GNG13: variants seen among roughly 807,000 people sequenced by gnomAD.
GNG13 encodes the protein G protein subunit gamma 13.
In GNG13, 12 loss-of-function variants were observed where a neutral mutation model predicts 8.2. The observed-to-expected ratio is 1.47, with a 90% CI of 0.94 to 2.38. GNG13 has a LOEUF of 2.38. Among genes scored for constraint, GNG13 ranks in the 30% most tolerant of loss-of-function variants. The pLI is 0.00. For missense variants in GNG13, 100 were observed against 85.2 expected (o/e 1.17, Z -0.68); for synonymous variants, 45 against 33.0 (o/e 1.37, Z -1.25).
At chr16:799,769 G>A (rs2042431273) in intron 1 of GNG13, among the ~76,000 whole-genome samples, 1 of 152,148 alleles carries the variant, frequency 6.6e-6, no homozygotes, top group Non-Finnish European at 1.5e-5. Flanking sequence ...AAAGCCACAG[G>A]TTGACACCCC....
chr16:800,241 G>C (rs1282575694), intron 1 of GNG13, among the ~76,000 whole-genome samples: 1 of 152,078 alleles, frequency 6.6e-6, no homozygotes, highest in Non-Finnish European at 1.5e-5. Context: ...CCCCATCCCC[G>C]GTGCAGGCCT....
At chr16:800,195 T>C (rs1750021201) in intron 1 of GNG13, among the ~76,000 whole-genome samples, 1 of 152,034 alleles carries the variant, frequency 6.6e-6, no homozygotes, top group South Asian at 2.1e-4. Flanking sequence ...GAGGATTCCC[T>C]CCCGGAGACT....
intron 1 of GNG13, among the ~76,000 whole-genome samples, chr16:799,532 G>C (rs2151654108): frequency 6.6e-6 from 1 of 152,318 alleles, no homozygotes; most frequent in East Asian, 1.9e-4. Flanking sequence ...CCCGCTGTGT[G>C]CCCCTTTGCT....
Position 799,024 on chromosome 16 carries a change from G to A in GNG13, c.54C>T (p.Tyr18=), listed in dbSNP as rs755222325. 1 of 1,611,456 alleles carries A rather than the reference G, an allele frequency of 6.2e-7. No individual in the cohort carries two copies. Among genetic ancestry groups the A allele is most frequent in the African/African-American group, 1.3e-5 (1 of 74,996 alleles). Residue 18 remains tyrosine (Y), a synonymous_variant, in exon 2 of 3, where the codon TAC becomes TAT. Transcript: ENST00000248150. The part of the protein sequence containing the change: ...QMKKEVESLK[Y]QLAFQREMAS... ...CCATCTCCCGCTGGAAGGCCAGCTG[G>A]TACTTGAGGCTCTCCACCTCTTTCT...
chr16:799,201 G>A (rs577863250), intron 1 of GNG13, 90 bp from the exon 2 acceptor site: 38 of 668,758 alleles, frequency 5.7e-5, no homozygotes, highest in African/African-American at 4.1e-4. Flanking sequence ...GCTGAACCCC[G>A]CAGGATGAAG....
In GNG13 at chr16:799,004, T is replaced by A; in HGVS notation, c.74A>T (p.Glu25Val). Residue 25 changes from glutamate (E) to valine (V), a missense_variant, in exon 2 of 3, where the codon GAG (glutamate) becomes GTG (valine). Coordinates refer to ENST00000248150, the MANE Select transcript of GNG13 (RefSeq NM_016541.3). The part of the protein sequence containing the change: ...SLKYQLAFQR[E>V]MASKTIPELL... ...CTCGGGGATGGTCTTGGACGCCATC[T>A]CCCGCTGGAAGGCCAGCTGGTACTT... 6.2e-7 allele frequency: 1 copy of A among 1,606,812 alleles called. No individual in the cohort carries two copies. Among genetic ancestry groups the A allele is most frequent in the Non-Finnish European group, 8.5e-7 (1 of 1,173,628 alleles).
In GNG13 at chr16:798,105, T is replaced by A. The variant is rs2042407831; in HGVS notation, c.*614A>T. ...TGCGAGTGGAGTGGGGTTCACAGGA[T>A]GGTGGGAGTGGGGCCGGGCGTGGGC... On this transcript the variant is annotated 3_prime_UTR_variant, in exon 3 of 3. Transcript: ENST00000248150. The A allele has an allele frequency of 1.6e-5, 21 of 1,278,812 alleles. No individual in the cohort carries two copies. The South Asian group carries it at 2.5e-4, about 15-fold the overall frequency. 79.2% of individuals were successfully genotyped at this position (1,278,812 alleles called of 1,614,324 possible).
At chr16:798,935 C>A in intron 2 of GNG13, 45 bp downstream of exon 2, 1 of 1,384,138 alleles carries the variant, frequency 7.2e-7, no homozygotes. Flanking sequence ...GCAGCCAGCG[C>A]AGGGCAGACA....
chr16:798,915 ATG>A, intron 2 of GNG13, 63 bp downstream of exon 2: 1 of 1,357,302 alleles, frequency 7.4e-7, no homozygotes, highest in Non-Finnish European at 1.1e-6. Flanking sequence ...GGTCGTGGCT[ATG>A]GAAATGAGCA....
chr16:798,076 C>G lies in GNG13; in HGVS notation c.*643G>C. ...AAGTCACACCTTTACAGACTGTAAT[C>G]ACGTGCGAGTGGAGTGGGGTTCACA... On this transcript the variant is annotated 3_prime_UTR_variant, in exon 3 of 3. Coordinates refer to ENST00000248150, the MANE Select transcript of GNG13 (RefSeq NM_016541.3). The G allele has an allele frequency of 1.4e-6, 2 of 1,455,996 alleles. No individual in the cohort carries two copies. Among genetic ancestry groups the G allele is most frequent in the Non-Finnish European group, 1.8e-6 (2 of 1,082,324 alleles). 90.2% of individuals were successfully genotyped at this position (1,455,996 alleles called of 1,614,324 possible).
intron 2 of GNG13, 72 bp from the exon 3 acceptor site, chr16:798,896 G>A (rs981444042): frequency 1.3e-5 from 17 of 1,348,376 alleles, no homozygotes; most frequent in East Asian, 2.3e-5. Flanking sequence ...CCTGCCTGTC[G>A]GCGGCGGTGG....
rs370992410 is a variant in GNG13 at position 799,118 on chromosome 16, G to A, written c.-34-7C>T. ...TGAAGCAGCCAGCCTGGGGCTGGAGGGCACAGGAGGAAGCCACAGGGCCGA... is the reference window on the plus strand; with the variant it reads ...TGAAGCAGCCAGCCTGGGGCTGGAGAGCACAGGAGGAAGCCACAGGGCCGA... On this transcript the variant is annotated splice_region_variant and splice_polypyrimidine_tract_variant and intron_variant, in intron 1 of 2. Coordinates refer to ENST00000248150, the MANE Select transcript of GNG13 (RefSeq NM_016541.3). 4 of 1,230,392 alleles carry A rather than the reference G, an allele frequency of 3.3e-6. No homozygotes were observed. The highest frequency in any genetic ancestry group is 1.2e-5 in the South Asian group (1 of 83,088). 76.2% of individuals were successfully genotyped at this position (1,230,392 alleles called of 1,614,324 possible).
At position 799,456 on chromosome 16, in the gene GNG13, G is replaced by A. The variant is rs577866390; in HGVS notation, c.-34-345C>T. Among the ~76,000 whole-genome samples the A allele has an allele frequency of 7.2e-5, 11 of 152,164 alleles. No homozygotes were observed. The East Asian group carries it at 2.1e-3, about 30-fold the overall frequency. On this transcript the variant is annotated intron_variant, in intron 1 of 2. Coordinates refer to ENST00000248150, the MANE Select transcript of GNG13 (RefSeq NM_016541.3). ...CTCCTACCCTCCCACTGAGGCCCAC[G>A]CAGGCTGACCCAGACCACGGTGTGA...
intron 1 of GNG13, among the ~76,000 whole-genome samples, chr16:800,001 C>T (rs946448692): frequency 1.3e-5 from 2 of 152,138 alleles, no homozygotes; most frequent in East Asian, 1.9e-4. Context: ...CCAACAGTCT[C>T]CCCATCCTTT....
intron 2 of GNG13, 60 bp from the exon 3 acceptor site, chr16:798,884 C>A: frequency 7.3e-7 from 1 of 1,364,204 alleles, no homozygotes; most frequent in Non-Finnish European, 1.0e-6. Flanking sequence ...CCTCCTGCTG[C>A]ACCTGCCTGT....
At position 798,346 on chromosome 16, in the gene GNG13, T is replaced by A. The variant is rs2042414587; in HGVS notation, c.*373A>T. The A allele has an allele frequency of 2.2e-6, 1 of 462,368 alleles. No individual in the cohort carries two copies. Among genetic ancestry groups the A allele is most frequent in the African/African-American group, 2.4e-5 (1 of 41,056 alleles). 28.6% of individuals were successfully genotyped at this position (462,368 alleles called of 1,614,324 possible). On this transcript the variant is annotated 3_prime_UTR_variant, in exon 3 of 3. Transcript: ENST00000248150. ...GGGGCTGGGAGTGGGGCTCACAGGATGGAGTGAGTGGGGCCGGGAGTGGGG... is the reference window on the plus strand; with the variant it reads ...GGGGCTGGGAGTGGGGCTCACAGGAAGGAGTGAGTGGGGCCGGGAGTGGGG...
chr16:798,636 G>T lies in GNG13; in HGVS notation c.*83C>A. The T allele has an allele frequency of 1.1e-6, 1 of 880,786 alleles. No individual in the cohort carries two copies. The highest frequency in any genetic ancestry group is 1.9e-6 in the Non-Finnish European group (1 of 517,698). The allele number at this position is 880,786 out of a possible 1,614,324, so 54.6% of individuals were successfully genotyped here. A position where few individuals can be genotyped will look rare whatever the true frequency, so the allele number is the denominator to read the frequency against. ...GGGACTCACAGGATGGAGTGAGTGG[G>T]GCTGGGCACAGTCTTACAAGATGGT... is the stretch of plus-strand genomic sequence containing the variant. On this transcript the variant is annotated 3_prime_UTR_variant, in exon 3 of 3. Coordinates refer to ENST00000248150, the MANE Select transcript of GNG13 (RefSeq NM_016541.3).
In GNG13 at chr16:798,067, G is replaced by T; in HGVS notation, c.*652C>A. The stretch of plus-strand genomic sequence containing the variant: ...GTCTTTATAAAGTCACACCTTTACA[G>T]ACTGTAATCACGTGCGAGTGGAGTG... On this transcript the variant is annotated 3_prime_UTR_variant, in exon 3 of 3. Transcript: ENST00000248150. The T allele has an allele frequency of 2.7e-6, 4 of 1,490,868 alleles. No individual in the cohort carries two copies. In the South Asian group the frequency reaches 3.8e-5, roughly 14 times the overall value. The allele number at this position is 1,490,868 out of a possible 1,614,324, so 92.4% of individuals were successfully genotyped here. A position where few individuals can be genotyped will look rare whatever the true frequency, so the allele number is the denominator to read the frequency against.
chr16:800,296 T>A (rs2151654480), intron 1 of GNG13, among the ~76,000 whole-genome samples: 1 of 152,272 alleles, frequency 6.6e-6, no homozygotes, highest in Non-Finnish European at 1.5e-5. Context: ...CAGGACTAGC[T>A]GCGTGCGGGT....
Sources: gnomAD v4.1 joint callset for allele counts (sites outside exome capture counted in the v4.1 genomes callset) on GRCh38, gnomAD v4.1.1 for gene constraint, MANE v1.5 for transcripts, NCBI Gene and HGNC (gene_info 2026-07-23, HGNC 2026-07-21) for gene names.